SLC9A9: variants seen among roughly 807,000 people sequenced by gnomAD.
The protein encoded by SLC9A9 is sodium/hydrogen exchanger 9.
SLC9A9 carries 62 observed loss-of-function variants against 77.8 expected under a neutral mutation model. The ratio of observed to expected loss-of-function variants is 0.80; its 90% CI spans 0.65 to 0.98. The LOEUF is 0.98. Among genes scored for constraint, SLC9A9 ranks in the 50% least tolerant of loss-of-function variants. SLC9A9 has a pLI of 0.00. For missense variants in SLC9A9, 775 were observed against 774.9 expected (o/e 1.00, Z 0.00); for synonymous variants, 320 against 283.5 (o/e 1.13, Z -1.29).
chr3:143,310,480 T>G (rs1175755524), intron 14 of SLC9A9, among the ~76,000 whole-genome samples: 1 of 150,002 alleles, frequency 6.7e-6, no homozygotes, highest in South Asian at 2.1e-4. Context: ...CAAAGCGAAA[T>G]GCAGGCGTGG....
intron 12 of SLC9A9, among the ~76,000 whole-genome samples, chr3:143,384,341 C>G (rs1243975737): frequency 1.3e-5 from 2 of 152,166 alleles, no homozygotes; most frequent in African/African-American, 4.8e-5. Context: ...CAGGTGCTGG[C>G]TGTTCCCTAG....
chr3:143,687,751 A>AG (rs1933318475), intron 5 of SLC9A9, among the ~76,000 whole-genome samples: 1 of 151,890 alleles, frequency 6.6e-6, no homozygotes, highest in Admixed American at 6.6e-5. Flanking sequence ...TAAAAAAAAA[A>AG]GAAGTTGGAA....
At chr3:143,582,209 C>T (rs2037467507) in intron 6 of SLC9A9, among the ~76,000 whole-genome samples, 1 of 152,024 alleles carries the variant, frequency 6.6e-6, no homozygotes, top group African/African-American at 2.4e-5. Context: ...TAATTTGAGC[C>T]CAAGATCTGA....
intron 9 of SLC9A9, among the ~76,000 whole-genome samples, chr3:143,512,312 A>G (rs2036129897): frequency 6.6e-6 from 1 of 152,258 alleles, no homozygotes; most frequent in African/African-American, 2.4e-5. Flanking sequence ...TCCTAAGGAA[A>G]TAATGTAACA....
chr3:143,353,526 T>G (rs1304238190), intron 14 of SLC9A9, among the ~76,000 whole-genome samples: 1 of 152,244 alleles, frequency 6.6e-6, no homozygotes, highest in Non-Finnish European at 1.5e-5. Context: ...CATCCTGGAC[T>G]TCCCAGCTTC....
chr3:143,574,367 C>T (rs925623398), intron 7 of SLC9A9, among the ~76,000 whole-genome samples, 174 bp from the exon 8 acceptor site: 17 of 152,178 alleles, frequency 1.1e-4, no homozygotes, highest in East Asian at 9.6e-4. Flanking sequence ...AAGGCCAGCA[C>T]GAGTTCCATG....
chr3:143,627,010 C>T (rs9879940), intron 6 of SLC9A9: 46,444 of 151,910 alleles, frequency 0.31, 7,405 homozygotes, highest in African/African-American at 0.39. Context: ...GTAGCTGGGA[C>T]TACAGGCGTG....
At chr3:143,426,010 G>T (rs570722252) in intron 12 of SLC9A9, among the ~76,000 whole-genome samples, 1 of 150,314 alleles carries the variant, frequency 6.7e-6, no homozygotes, top group Non-Finnish European at 1.5e-5. Flanking sequence ...AATTTTTGAT[G>T]TACCTTCAAG....
chr3:143,682,572 C>A (rs1341543944), intron 5 of SLC9A9, among the ~76,000 whole-genome samples: 1 of 119,638 alleles, frequency 8.4e-6, no homozygotes, highest in African/African-American at 2.9e-5. Flanking sequence ...TAAATTATAA[C>A]AAACTTAGTG....
Position 143,693,276 on chromosome 3 carries a change from T to A in SLC9A9, c.565A>T (p.Ile189Leu), listed in dbSNP as rs1433641781. ...CCATTTTTCAGCTGGCCAGCATGTA[T>A]CATAGCCTTCACAAAACCATACATA... The part of the protein sequence containing the change: ...LIMYGFVKAM[I>L]HAGQLKNGDF... The change falls in exon 5 of 16, where the codon ATA (isoleucine) becomes TTA (leucine). Residue 189 changes from isoleucine to leucine, a missense_variant. Transcript: ENST00000316549. The A allele has an allele frequency of 6.2e-7, 1 of 1,613,354 alleles. No individual in the cohort carries two copies. The highest frequency in any genetic ancestry group is 8.5e-7 in the Non-Finnish European group (1 of 1,179,534).
intron 14 of SLC9A9, among the ~76,000 whole-genome samples, chr3:143,348,109 G>A (rs1322002715): frequency 2.0e-5 from 3 of 151,900 alleles, no homozygotes; most frequent in African/African-American, 4.8e-5. Context: ...CACCTCCCAG[G>A]TTCAAGCTGT....
chr3:143,623,830 GT>G (rs1386141899), intron 6 of SLC9A9, among the ~76,000 whole-genome samples: 1 of 152,146 alleles, frequency 6.6e-6, no homozygotes, highest in Non-Finnish European at 1.5e-5. Flanking sequence ...CCAGGAGCTA[GT>G]TTTTTGAAAA....
chr3:143,803,684 C>A (rs2008630692), intron 2 of SLC9A9, among the ~76,000 whole-genome samples: 1 of 152,168 alleles, frequency 6.6e-6, no homozygotes. Context: ...TATCTCTCCC[C>A]AGCTATCTCC....
At chr3:143,575,042 A>G (rs1410526835) in intron 7 of SLC9A9, among the ~76,000 whole-genome samples, 2 of 152,186 alleles carry the variant, frequency 1.3e-5, no homozygotes, top group African/African-American at 4.8e-5. Context: ...TTAGCAGGGG[A>G]GCAGGGAGCA....
At chr3:143,485,831 T>G (rs1168565378) in intron 11 of SLC9A9, among the ~76,000 whole-genome samples, 1 of 151,878 alleles carries the variant, frequency 6.6e-6, no homozygotes, top group Non-Finnish European at 1.5e-5. Context: ...AACAACTGTC[T>G]TAAAGATGCT....
intron 14 of SLC9A9, among the ~76,000 whole-genome samples, chr3:143,326,540 C>G (rs1046501586): frequency 2.6e-5 from 4 of 152,146 alleles, no homozygotes; most frequent in Admixed American, 6.5e-5. Flanking sequence ...GCCCCCTCCC[C>G]CCAGGCCTTT....
chr3:143,840,784 C>A (rs1362615835), intron 1 of SLC9A9, among the ~76,000 whole-genome samples: 1 of 151,954 alleles, frequency 6.6e-6, no homozygotes, highest in Non-Finnish European at 1.5e-5. Context: ...AGAACGACTG[C>A]AGCCAGAATT....
intron 11 of SLC9A9, among the ~76,000 whole-genome samples, chr3:143,491,406 G>A (rs191929886): frequency 7.0e-4 from 106 of 152,210 alleles, no homozygotes; most frequent in African/African-American, 2.5e-3. Context: ...TGCCACTGTA[G>A]TGCAAAAACA....
At chr3:143,812,201 T>C (rs879727450) in intron 2 of SLC9A9, among the ~76,000 whole-genome samples, 4 of 152,370 alleles carry the variant, frequency 2.6e-5, no homozygotes, top group Non-Finnish European at 5.9e-5. Flanking sequence ...TGGTAATAGC[T>C]ATCAAAATGT....
Sources: gnomAD v4.1 joint callset for allele counts (sites outside exome capture counted in the v4.1 genomes callset) on GRCh38, gnomAD v4.1.1 for gene constraint, MANE v1.5 for transcripts, NCBI Gene and HGNC (gene_info 2026-07-23, HGNC 2026-07-21) for gene names.